WASHC3: variants seen among roughly 807,000 people sequenced by gnomAD.
WASHC3 encodes WASH complex subunit 3.
Under a neutral mutation model 26.1 loss-of-function variants are expected in WASHC3, and 24 were observed. The ratio of observed to expected loss-of-function variants is 0.92; its 90% CI spans 0.66 to 1.29. The LOEUF is 1.29. Ranked by LOEUF, WASHC3 falls within the 50% of genes most tolerant of loss-of-function variation. WASHC3 has a pLI of 0.00. For missense variants in WASHC3, 214 were observed against 229.6 expected (o/e 0.93, Z 0.44); for synonymous variants, 77 against 75.7 (o/e 1.02, Z -0.09).
At position 102,022,441 on chromosome 12, in the gene WASHC3, A is replaced by G. The variant is rs1399809337; in HGVS notation, c.500+3533T>C. Among the ~76,000 whole-genome samples, 8 of 152,216 alleles carry G rather than the reference A, an allele frequency of 5.3e-5. No homozygotes were observed. The East Asian group carries it at 1.5e-3, about 29-fold the overall frequency. On this transcript the variant is annotated intron_variant, in intron 6 of 6. Transcript: ENST00000240079. ...GAGTGCTTACAACATTGTTTATCTT[A>G]GTCTGAACAACTCTGTAAGGGAGTG...
chr12:102,020,912 T>A (rs1015032667), intron 6 of WASHC3, among the ~76,000 whole-genome samples: 2 of 152,020 alleles, frequency 1.3e-5, no homozygotes, highest in African/African-American at 4.8e-5. Context: ...TGAAACCCTG[T>A]CTCTACTAAA....
chr12:102,062,053 CCA>C, upstream of WASHC3: 2 of 1,155,102 alleles, frequency 1.7e-6, no homozygotes, highest in Non-Finnish European at 2.5e-6. Flanking sequence ...AACTTTCCCC[CCA>C]AGTGCCCGCC....
At chr12:102,044,249 G>C in intron 3 of WASHC3, 37 bp from the exon 4 acceptor site, 1 of 1,053,384 alleles carries the variant, frequency 9.5e-7, no homozygotes, top group South Asian at 1.5e-5. Context: ...TATGAAGATA[G>C]TACTTGCATA....
intron 5 of WASHC3, among the ~76,000 whole-genome samples, chr12:102,038,023 G>A (rs1166644174): frequency 1.3e-5 from 2 of 152,168 alleles, no homozygotes; most frequent in South Asian, 2.1e-4. Flanking sequence ...TCAAACTCCC[G>A]ACCTCAAGTG....
rs189389639 is a variant in WASHC3, at chr12:102,024,735, G to A, written c.500+1239C>T. Among the ~76,000 whole-genome samples the A allele has an allele frequency of 4.0e-5, 6 of 150,034 alleles. No homozygotes were observed. In the South Asian group the frequency reaches 1.2e-3, roughly 31 times the overall value. ...CTCTGTTATTATAGGAGGTCTAACTGTGTATTTCCAGAAGCAAAAGGAGGT... is the reference window on the plus strand; with the variant it reads ...CTCTGTTATTATAGGAGGTCTAACTATGTATTTCCAGAAGCAAAAGGAGGT... On this transcript the variant is annotated intron_variant, in intron 6 of 6. Transcript: ENST00000240079.
intron 5 of WASHC3, among the ~76,000 whole-genome samples, chr12:102,028,241 T>G (rs1440863362): frequency 1.3e-5 from 2 of 152,136 alleles, no homozygotes; most frequent in African/African-American, 4.8e-5. Context: ...ATAACAAAAT[T>G]AATTTTAATA....
At chr12:102,053,829 A>C (rs1594371513) in intron 2 of WASHC3, among the ~76,000 whole-genome samples, 1 of 152,256 alleles carries the variant, frequency 6.6e-6, no homozygotes, top group East Asian at 1.9e-4. Flanking sequence ...CATGGTGATT[A>C]AATCACTTAT....
chr12:102,051,073 C>T (rs750682169), intron 2 of WASHC3, among the ~76,000 whole-genome samples: 4 of 152,244 alleles, frequency 2.6e-5, no homozygotes, highest in Admixed American at 6.5e-5. Context: ...TTATACTCTT[C>T]TCTTTAATGA....
In WASHC3 at chr12:102,036,998, T is replaced by G. The variant is rs1199000384; in HGVS notation, c.435+2870A>C. ...TTAAAAAATGTAAATGATATTAAGA[T>G]ATAGTTTAAAAATATTTTTAAGCAA... On this transcript the variant is annotated intron_variant, in intron 5 of 6. Coordinates refer to ENST00000240079, the MANE Select transcript of WASHC3 (RefSeq NM_016053.4). Among the ~76,000 whole-genome samples, 13 of 152,356 alleles carry G rather than the reference T, an allele frequency of 8.5e-5. 1 individual carries two copies. The South Asian group carries it at 1.7e-3, about 19-fold the overall frequency.
intron 6 of WASHC3, among the ~76,000 whole-genome samples, chr12:102,022,730 T>C (rs949959486): frequency 6.6e-6 from 1 of 152,216 alleles, no homozygotes; most frequent in African/African-American, 2.4e-5. Flanking sequence ...ACAACAGTAA[T>C]GTTAGTTCAG....
chr12:102,020,808 G>A (rs910340067), intron 6 of WASHC3, among the ~76,000 whole-genome samples: 3 of 152,178 alleles, frequency 2.0e-5, no homozygotes, highest in Admixed American at 6.5e-5. Context: ...AGAGTCAGGC[G>A]TGGTGGCTCA....
chr12:102,028,751 G>T (rs1277576187), intron 5 of WASHC3, among the ~76,000 whole-genome samples: 4 of 149,886 alleles, frequency 2.7e-5, no homozygotes, highest in African/African-American at 7.3e-5. Context: ...TTGATTATAA[G>T]AATAATAAGA....
intron 2 of WASHC3, among the ~76,000 whole-genome samples, chr12:102,049,299 A>G (rs1476457672): frequency 1.3e-5 from 2 of 152,246 alleles, no homozygotes; most frequent in Non-Finnish European, 2.9e-5. Context: ...GCTCTAAATT[A>G]TGGATGACTG....
In WASHC3 at chr12:102,044,216, A is replaced by G. The variant is rs1301731766; in HGVS notation, c.217-4T>C. The G allele has an allele frequency of 4.7e-6, 7 of 1,494,048 alleles. No individual in the cohort carries two copies. Among genetic ancestry groups the G allele is most frequent in the Middle Eastern group, 1.7e-4 (1 of 5,810 alleles). 92.5% of individuals were successfully genotyped at this position (1,494,048 alleles called of 1,614,324 possible). On this transcript the variant is annotated splice_polypyrimidine_tract_variant and splice_region_variant and intron_variant, in intron 3 of 6. Coordinates refer to ENST00000240079, the MANE Select transcript of WASHC3 (RefSeq NM_016053.4). The stretch of plus-strand genomic sequence containing the variant: ...CTAGGCCTGGGATAGATGACAACTG[A>G]GAAAAGAAAATTAGTATTGGAATAT...
In WASHC3 at chr12:102,016,603, G is replaced by A. The variant is rs1271968701; in HGVS notation, c.501-3411C>T. Among the ~76,000 whole-genome samples, 3 of 152,164 alleles carry A rather than the reference G, an allele frequency of 2.0e-5. No homozygotes were observed. The East Asian group carries it at 5.8e-4, about 29-fold the overall frequency. Reference sequence around the variant, plus strand: ...TCCTTCAGGAGATATTCCAGAAGAAGGCATTGTTACAATAGAAAATAGCAG... The same window carrying A: ...TCCTTCAGGAGATATTCCAGAAGAAAGCATTGTTACAATAGAAAATAGCAG... On this transcript the variant is annotated intron_variant, in intron 6 of 6. Transcript: ENST00000240079.
chr12:102,054,692 C>A (rs550404641), intron 2 of WASHC3, among the ~76,000 whole-genome samples: 30 of 152,128 alleles, frequency 2.0e-4, no homozygotes, highest in Non-Finnish European at 3.8e-4. Flanking sequence ...TTTAAGGAGA[C>A]TGAAATCGTA....
At chr12:102,028,218 C>G (rs1455087508) in intron 5 of WASHC3, among the ~76,000 whole-genome samples, 1 of 152,024 alleles carries the variant, frequency 6.6e-6, no homozygotes, top group Non-Finnish European at 1.5e-5. Flanking sequence ...TATTTAAAAG[C>G]AAAACATACT....
At chr12:102,040,229 TTAAAATAAAAATTCTGC>T (rs1877885306) in intron 4 of WASHC3, 1 of 209,980 alleles carries the variant, frequency 4.8e-6, no homozygotes, top group Admixed American at 5.8e-5. Context: ...TATTCATGCA[TTAAAATAAAAATTCTGC>T]TTTACTTGTC....
chr12:102,044,294 T>C, intron 3 of WASHC3, 82 bp from the exon 4 acceptor site: 1 of 575,346 alleles, frequency 1.7e-6, no homozygotes. Flanking sequence ...TCTTAAGTTT[T>C]AAGGCTATAC....
Sources: gnomAD v4.1 joint callset for allele counts (sites outside exome capture counted in the v4.1 genomes callset) on GRCh38, gnomAD v4.1.1 for gene constraint, MANE v1.5 for transcripts, NCBI Gene and HGNC (gene_info 2026-07-23, HGNC 2026-07-21) for gene names.